NRK: variants seen among roughly 807,000 people sequenced by gnomAD.
NRK encodes the protein Nik related kinase.
A neutral mutation model predicts 125.2 loss-of-function variants in NRK; 67 were observed. The ratio of observed to expected loss-of-function variants is 0.54; its 90% CI spans 0.44 to 0.66. NRK has a LOEUF of 0.66. Ranked by LOEUF, NRK falls within the 30% of genes least tolerant of loss-of-function variation. The pLI is 0.00. For synonymous variants in NRK, 458 were observed against 429.0 expected, an observed-to-expected ratio of 1.07 and a Z score of -0.84; for missense variants, 1,224 against 1,192.9, an observed-to-expected ratio of 1.03 and a Z score of -0.38.
chrX:105,926,611 G>A (rs1316839886), intron 19 of NRK, among the ~76,000 whole-genome samples: 2 of 110,897 alleles, frequency 1.8e-5, no homozygotes, highest in Non-Finnish European at 3.8e-5. Context: ...TTTTCTAGTA[G>A]TTTTATGGTT....
chrX:105,852,019 A>T (rs1467509682), intron 2 of NRK, among the ~76,000 whole-genome samples: 1 of 112,182 alleles, frequency 8.9e-6, no homozygotes, highest in Non-Finnish European at 1.9e-5. Flanking sequence ...TATTCAAAGC[A>T]ACTGTTCGAG....
At chrX:105,919,398 A>G (rs2040409585) in intron 16 of NRK, among the ~76,000 whole-genome samples, 1 of 111,805 alleles carries the variant, frequency 8.9e-6, no homozygotes, top group African/African-American at 3.2e-5. Flanking sequence ...TTAAATGGAA[A>G]TATTTACACT....
intron 19 of NRK, among the ~76,000 whole-genome samples, chrX:105,932,653 C>G (rs1163748967): frequency 9.0e-6 from 1 of 111,437 alleles, no homozygotes; most frequent in Non-Finnish European, 1.9e-5. Context: ...TTATGCCAGT[C>G]TACTCCCCTA....
At chrX:105,917,161 T>G (rs1260022434) in intron 15 of NRK, among the ~76,000 whole-genome samples, 2 of 110,977 alleles carry the variant, frequency 1.8e-5, no homozygotes, top group Non-Finnish European at 3.8e-5. Context: ...TTTCAAGCAT[T>G]TAAAATCTGG....
At chrX:105,848,693 A>G (rs779591366) in intron 2 of NRK, among the ~76,000 whole-genome samples, 1 of 111,912 alleles carries the variant, frequency 8.9e-6, no homozygotes, top group East Asian at 2.8e-4. Flanking sequence ...TGTTCAGTTC[A>G]CATCAGCCCC....
intron 19 of NRK, 43 bp downstream of exon 19, chrX:105,925,074 G>T (rs764365321): frequency 2.1e-6 from 2 of 969,226 alleles, no homozygotes; most frequent in African/African-American, 3.8e-5. Flanking sequence ...CTCTCATTGC[G>T]AATGTGTTTC....
intron 2 of NRK, among the ~76,000 whole-genome samples, chrX:105,832,014 C>T (rs1002449670): frequency 2.7e-5 from 3 of 111,509 alleles, no homozygotes; most frequent in African/African-American, 9.8e-5. Flanking sequence ...AAAAAAATTA[C>T]TGTGCCATTA....
chrX:105,929,385 G>A (rs1462122135), intron 19 of NRK, among the ~76,000 whole-genome samples: 1 of 111,178 alleles, frequency 9.0e-6, no homozygotes, highest in Non-Finnish European at 1.9e-5. Flanking sequence ...GTCATTACAG[G>A]TAAGGTGAAT....
At chrX:105,836,773 A>C (rs1237101228) in intron 2 of NRK, among the ~76,000 whole-genome samples, 2 of 112,383 alleles carry the variant, frequency 1.8e-5, no homozygotes, top group East Asian at 5.6e-4. Flanking sequence ...TTAACTAGCT[A>C]TAACCTTGAG....
chrX:105,868,815 A>G (rs1197534638), intron 2 of NRK, among the ~76,000 whole-genome samples: 1 of 107,391 alleles, frequency 9.3e-6, no homozygotes, highest in Non-Finnish European at 1.9e-5. Context: ...TTCATATTTC[A>G]TTTCTGCAGG....
At chrX:105,893,635 C>A (rs749258728) in intron 5 of NRK, among the ~76,000 whole-genome samples, 197 bp from the exon 6 acceptor site, 5 of 112,053 alleles carry the variant, frequency 4.5e-5, no homozygotes, top group Non-Finnish European at 9.4e-5. Flanking sequence ...TCTCTGCCTC[C>A]ACAAATCTTT....
chrX:105,834,163 A>G (rs757928994), intron 2 of NRK, among the ~76,000 whole-genome samples: 2 of 111,463 alleles, frequency 1.8e-5, no homozygotes, highest in African/African-American at 6.5e-5. Context: ...CTTATAGTCC[A>G]AGGCTTCTGA....
rs1291318868 is a variant in NRK, at chrX:105,919,537, GTAGT to G, written c.2512+1866_2512+1869del. ...ACACTGGCCACATTTCAAATGCTCAGTAGTCATGGGTGACTAATGACCACTGTTA... is the reference window on the plus strand; with the variant it reads ...ACACTGGCCACATTTCAAATGCTCAGCATGGGTGACTAATGACCACTGTTA... On this transcript the variant is annotated intron_variant, in intron 16 of 28. Coordinates refer to ENST00000243300, the MANE Select transcript of NRK (RefSeq NM_198465.4). 9.8e-5 allele frequency among the ~76,000 whole-genome samples: 11 copies of G among 111,731 alleles called. No individual in the cohort carries two copies. The Admixed American group carries it at 1.0e-3, about 11-fold the overall frequency.
intron 9 of NRK, among the ~76,000 whole-genome samples, chrX:105,902,086 A>G (rs1168245165): frequency 9.1e-6 from 1 of 109,307 alleles, no homozygotes; most frequent in Non-Finnish European, 1.9e-5. Flanking sequence ...TCCAGTTTGT[A>G]CTTCCTGGGT....
chrX:105,925,094 C>A, intron 19 of NRK, 63 bp downstream of exon 19: 1 of 844,748 alleles, frequency 1.2e-6, no homozygotes, highest in Non-Finnish European at 1.7e-6. Flanking sequence ...CTTCATGGGA[C>A]ATGTAGCATT....
intron 3 of NRK, 48 bp downstream of exon 3, chrX:105,880,303 C>T: frequency 1.9e-6 from 1 of 522,939 alleles, no homozygotes; most frequent in Non-Finnish European, 3.0e-6. Context: ...GGACTGTGTT[C>T]CTGGGATACA....
At position 105,909,634 on chromosome X, in the gene NRK, C is replaced by G. The variant is rs1347216750; in HGVS notation, c.1993C>G (p.Leu665Val). 1.7e-6 allele frequency: 2 copies of G among 1,199,899 alleles called. No homozygotes were observed. Among genetic ancestry groups the G allele is most frequent in the African/African-American group, 3.5e-5 (2 of 56,754 alleles). ...NSKPLGPLQT[L>V]MENLSSNRFY... is the part of the protein sequence containing the mutation. ...AAAGCCACTTGGTCCGTTGCAAACCCTGATGGAAAATCTGTCATCAAATAG... is the reference window on the plus strand; with the variant it reads ...AAAGCCACTTGGTCCGTTGCAAACCGTGATGGAAAATCTGTCATCAAATAG... Residue 665 changes from leucine (L) to valine (V), a missense_variant, in exon 13 of 29, where the codon CTG (leucine) becomes GTG (valine). Coordinates refer to ENST00000243300, the MANE Select transcript of NRK (RefSeq NM_198465.4).
intron 2 of NRK, among the ~76,000 whole-genome samples, chrX:105,850,918 C>G (rs755487883): frequency 2.2e-4 from 25 of 112,454 alleles, no homozygotes; most frequent in Non-Finnish European, 3.9e-4. Context: ...GCCTATTACC[C>G]AGTTCCAAAG....
At chrX:105,898,792 C>A in intron 8 of NRK, 78 bp downstream of exon 8, 14 of 874,466 alleles carry the variant, frequency 1.6e-5, no homozygotes, top group South Asian at 3.4e-5. Flanking sequence ...AATGATAAAA[C>A]AAAAAATAAA....
Sources: allele counts gnomAD v4.1 joint callset (sites outside exome capture counted in the v4.1 genomes callset), GRCh38; gene constraint gnomAD v4.1.1; transcripts MANE v1.5; gene names NCBI Gene and HGNC (gene_info 2026-07-23, HGNC 2026-07-21).